Variants in TMEM132B observed in about 807,000 individuals in gnomAD.
The protein encoded by TMEM132B is transmembrane protein 132B.
A neutral mutation model predicts 90.8 loss-of-function variants in TMEM132B; 18 were observed. The observed-to-expected ratio is 0.20, with a 90% CI of 0.14 to 0.29. The LOEUF (loss-of-function observed/expected upper bound fraction) is 0.29, where lower values mean the gene tolerates loss of function less well. TMEM132B is among the 10% of genes least tolerant of loss of function. The probability of loss-of-function intolerance (pLI) is 1.00; values close to 1 mark genes in which losing one functional copy is unlikely to be tolerated. For synonymous variants in TMEM132B, 504 were observed against 523.3 expected, an observed-to-expected ratio of 0.96 and a Z score of 0.50; for missense variants, 1,096 against 1,326.8, an observed-to-expected ratio of 0.83 and a Z score of 2.70.
intron 1 of TMEM132B, among the ~76,000 whole-genome samples, chr12:125,289,043 C>G (rs1875457275): frequency 6.6e-6 from 1 of 152,146 alleles, no homozygotes; most frequent in East Asian, 1.9e-4. Context: ...AGGAGTTAAG[C>G]AGTTACCACA....
intron 1 of TMEM132B, among the ~76,000 whole-genome samples, chr12:125,258,102 G>A (rs1055953645): frequency 2.6e-5 from 4 of 152,194 alleles, no homozygotes; most frequent in Non-Finnish European, 2.9e-5. Flanking sequence ...TATTTACAGG[G>A]AGCCTCTTGT....
intron 1 of TMEM132B, among the ~76,000 whole-genome samples, chr12:125,190,247 TAC>T (rs1957789034): frequency 6.6e-6 from 1 of 152,144 alleles, no homozygotes; most frequent in South Asian, 2.1e-4. Flanking sequence ...AGTTCTACCA[TAC>T]AGTCCTTTAG....
chr12:125,338,654 CCCTTGAT>C (rs1430119626), intron 1 of TMEM132B, among the ~76,000 whole-genome samples: 1 of 152,070 alleles, frequency 6.6e-6, no homozygotes, highest in Non-Finnish European at 1.5e-5. Flanking sequence ...GCAGAGTAGC[CCCTTGAT>C]CCTTGGCAGC....
chr12:125,191,309 C>T (rs538632976), intron 1 of TMEM132B, among the ~76,000 whole-genome samples: 1 of 152,022 alleles, frequency 6.6e-6, no homozygotes, highest in South Asian at 2.1e-4. Context: ...CCATCCAGGC[C>T]TTTCCCTGCA....
At chr12:125,361,502 A>G (rs543600221) in intron 2 of TMEM132B, among the ~76,000 whole-genome samples, 2 of 152,330 alleles carry the variant, frequency 1.3e-5, no homozygotes, top group South Asian at 2.1e-4. Context: ...AGGCTTTACT[A>G]GTCTCTTTTC....
chr12:125,361,658 A>C (rs326403), intron 2 of TMEM132B, among the ~76,000 whole-genome samples: 4,643 of 152,244 alleles, frequency 0.03, 241 homozygotes, highest in African/African-American at 0.11. Flanking sequence ...AGTGTTTCCC[A>C]AGCTAACTGT....
intron 1 of TMEM132B, among the ~76,000 whole-genome samples, chr12:125,242,878 C>T (rs573884230): frequency 2.6e-5 from 4 of 152,102 alleles, no homozygotes; most frequent in Non-Finnish European, 2.9e-5. Flanking sequence ...CCATTAGTGC[C>T]GACTGGTGCT....
chr12:125,638,893 T>A (rs1180414219), intron 5 of TMEM132B, among the ~76,000 whole-genome samples: 1 of 152,210 alleles, frequency 6.6e-6, no homozygotes, highest in African/African-American at 2.4e-5. Flanking sequence ...AATTTGACAG[T>A]AAAAATATTA....
At chr12:125,567,714 A>G (rs368934062) in intron 4 of TMEM132B, among the ~76,000 whole-genome samples, 3 of 152,098 alleles carry the variant, frequency 2.0e-5, no homozygotes, top group Non-Finnish European at 2.9e-5. Flanking sequence ...AACAGGTGCC[A>G]TTTGCTTGCC....
chr12:125,448,059 A>G (rs1881052377), intron 3 of TMEM132B, among the ~76,000 whole-genome samples: 1 of 152,136 alleles, frequency 6.6e-6, no homozygotes, highest in Non-Finnish European at 1.5e-5. Context: ...TGAGGTCAGG[A>G]GTTTGAGACC....
At chr12:125,633,415 T>G (rs765804935) in intron 5 of TMEM132B, among the ~76,000 whole-genome samples, 1 of 152,270 alleles carries the variant, frequency 6.6e-6, no homozygotes, top group Admixed American at 6.5e-5. Context: ...TTCTCCAGGA[T>G]TGGTCTCTTG....
chr12:125,545,699 T>G (rs1263179383), intron 4 of TMEM132B, among the ~76,000 whole-genome samples: 1 of 152,206 alleles, frequency 6.6e-6, no homozygotes, highest in Non-Finnish European at 1.5e-5. Context: ...AGCTGCCATC[T>G]TGCCACCATG....
chr12:125,415,707 G>A lies in TMEM132B; in HGVS notation c.1106+30G>A, dbSNP rs774314773. ...GCATGGAGATCCCCAAGGCACCTCC[G>A]CAGTGGGGAGGAGGGGAGTGGCTGC... On this transcript the variant is annotated intron_variant, in intron 3 of 8. Coordinates refer to ENST00000682704, the MANE Select transcript of TMEM132B (RefSeq NM_001366854.1). The surrounding 1 kb of genome is among the most constrained non-coding windows in gnomAD (Gnocchi z 5.3). The A allele has an allele frequency of 2.0e-5, 32 of 1,611,216 alleles. No homozygotes were observed. Among genetic ancestry groups the A allele is most frequent in the Non-Finnish European group, 2.3e-5 (27 of 1,178,418 alleles).
chr12:125,516,446 G>C (rs559246895), intron 3 of TMEM132B, among the ~76,000 whole-genome samples: 1 of 152,320 alleles, frequency 6.6e-6, no homozygotes, highest in African/African-American at 2.4e-5. Context: ...CTTTCCTCTG[G>C]ATTGAGAGAA....
intron 2 of TMEM132B, among the ~76,000 whole-genome samples, chr12:125,383,128 C>T (rs547800191): frequency 5.3e-5 from 8 of 152,218 alleles, no homozygotes; most frequent in African/African-American, 1.2e-4. Context: ...GACGGTGAGA[C>T]GGCCTCTTGT....
intron 4 of TMEM132B, among the ~76,000 whole-genome samples, chr12:125,571,049 A>T (rs1884780621): frequency 6.6e-6 from 1 of 152,220 alleles, no homozygotes; most frequent in African/African-American, 2.4e-5. Flanking sequence ...AACATTTCAA[A>T]TTAAAAAATC....
intron 1 of TMEM132B, among the ~76,000 whole-genome samples, chr12:125,322,594 G>GGTT (rs1876459217): frequency 6.6e-6 from 1 of 152,262 alleles, no homozygotes; most frequent in African/African-American, 2.4e-5. Flanking sequence ...TTGTGGCAAT[G>GGTT]GTTGCACAAC....
chr12:125,247,105 T>C (rs936871911), intron 1 of TMEM132B, among the ~76,000 whole-genome samples: 2 of 152,236 alleles, frequency 1.3e-5, no homozygotes, highest in East Asian at 3.8e-4. Context: ...TCACTACCTA[T>C]AAGGTAACCC....
At chr12:125,537,737 C>T (rs1883846320) in intron 4 of TMEM132B, among the ~76,000 whole-genome samples, 1 of 152,142 alleles carries the variant, frequency 6.6e-6, no homozygotes, top group African/African-American at 2.4e-5. Context: ...ATATCAGGGA[C>T]CACAGATGGC....
Sources: gnomAD v4.1 joint callset for allele counts (sites outside exome capture counted in the v4.1 genomes callset) on GRCh38, gnomAD v4.1.1 for gene constraint, Gnocchi (gnomAD v3.1) non-coding constraint, MANE v1.5 for transcripts, NCBI Gene and HGNC (gene_info 2026-07-23, HGNC 2026-07-21) for gene names.